The following ACER2 variants were observed in gnomAD, a reference collection of about 807,000 sequenced individuals.
The protein encoded by ACER2 is alkaline ceramidase 2.
Under a neutral mutation model 34.7 loss-of-function variants are expected in ACER2, and 26 were observed. That is an observed-to-expected ratio of 0.75 (90% confidence interval 0.55 to 1.04). The LOEUF (loss-of-function observed/expected upper bound fraction) is 1.04, where lower values mean the gene tolerates loss of function less well. ACER2 is among the 50% of genes least tolerant of loss of function. ACER2 has a pLI of 0.00. For missense variants in ACER2, 352 were observed against 340.8 expected (o/e 1.03, Z -0.26); for synonymous variants, 138 against 132.1 (o/e 1.04, Z -0.31).
intron 4 of ACER2, among the ~76,000 whole-genome samples, chr9:19,440,515 A>T (rs1266494404): frequency 6.6e-6 from 1 of 152,182 alleles, no homozygotes; most frequent in Non-Finnish European, 1.5e-5. Flanking sequence ...CTACCATGTG[A>T]GGACACAGCT....
chr9:19,410,978 A>G (rs556737759), intron 1 of ACER2, among the ~76,000 whole-genome samples: 1 of 152,198 alleles, frequency 6.6e-6, no homozygotes, highest in African/African-American at 2.4e-5. Context: ...ACACTTAGCA[A>G]GATTATTCTC....
chr9:19,445,432 C>T (rs1251917894), intron 4 of ACER2, among the ~76,000 whole-genome samples: 1 of 152,160 alleles, frequency 6.6e-6, no homozygotes, highest in Non-Finnish European at 1.5e-5. Flanking sequence ...CAGAGGGTGT[C>T]AGGGAGGTTA....
chr9:19,421,718 G>A (rs1482772734), intron 1 of ACER2, among the ~76,000 whole-genome samples: 2 of 151,912 alleles, frequency 1.3e-5, no homozygotes, highest in Admixed American at 6.6e-5. Context: ...CCACTGAATT[G>A]TACACTTTAA....
At chr9:19,415,730 A>G (rs1830222743) in intron 1 of ACER2, among the ~76,000 whole-genome samples, 1 of 152,152 alleles carries the variant, frequency 6.6e-6, no homozygotes. Flanking sequence ...GAAGCAAGGT[A>G]GATTGAGAGG....
Position 19,424,765 on chromosome 9 carries a change from G to T in ACER2, c.289G>T (p.Val97Phe). ...GGGTCAGATGCTTGATGAACTTGCAGTCCTTTGGGTTCTGATGTGTGCTTT... is the reference window on the plus strand; with the variant it reads ...GGGTCAGATGCTTGATGAACTTGCATTCCTTTGGGTTCTGATGTGTGCTTT... The part of the protein sequence containing the change: ...FLGQMLDELA[V>F]LWVLMCALAM... The change falls in exon 3 of 6, where the codon GTC (valine) becomes TTC (phenylalanine). Residue 97 changes from valine (V) to phenylalanine (F), a missense_variant. Coordinates refer to ENST00000340967, the MANE Select transcript of ACER2 (RefSeq NM_001010887.3). The T allele has an allele frequency of 6.2e-7, 1 of 1,614,098 alleles. No homozygotes were observed. Among genetic ancestry groups the T allele is most frequent in the East Asian group, 2.2e-5 (1 of 44,878 alleles).
At chr9:19,442,863 C>T (rs1489594203) in intron 4 of ACER2, among the ~76,000 whole-genome samples, 11 of 149,298 alleles carry the variant, frequency 7.4e-5, no homozygotes, top group South Asian at 2.1e-4. Context: ...GATGGGGTCT[C>T]GCTCTGTCGC....
At chr9:19,419,311 T>C (rs1830332029) in intron 1 of ACER2, among the ~76,000 whole-genome samples, 1 of 152,252 alleles carries the variant, frequency 6.6e-6, no homozygotes, top group South Asian at 2.1e-4. Context: ...TCTTTTTCTT[T>C]TTTTCTTTTC....
intron 3 of ACER2, among the ~76,000 whole-genome samples, chr9:19,428,680 T>C (rs182510109): frequency 1.7e-4 from 26 of 150,072 alleles, no homozygotes; most frequent in Non-Finnish European, 3.5e-4. Flanking sequence ...CAGAAATACA[T>C]GGGAAAATTA....
intron 1 of ACER2, chr9:19,409,726 T>G: frequency 9.1e-6 from 9 of 984,896 alleles, no homozygotes; most frequent in Non-Finnish European, 1.1e-5. Flanking sequence ...GAGTTATTTT[T>G]GGTCAGAATC....
intron 5 of ACER2, among the ~76,000 whole-genome samples, chr9:19,448,290 A>G (rs544092996): frequency 6.6e-6 from 1 of 152,308 alleles, no homozygotes; most frequent in African/African-American, 2.4e-5. Flanking sequence ...CTGGGATTAC[A>G]GGCATGAGCC....
intron 4 of ACER2, among the ~76,000 whole-genome samples, chr9:19,441,481 C>G (rs1831156631): frequency 6.6e-6 from 1 of 152,208 alleles, no homozygotes; most frequent in South Asian, 2.1e-4. Context: ...CTCAGCCACT[C>G]TGACCTTCTG....
At chr9:19,421,308 TG>T (rs928964210) in intron 1 of ACER2, among the ~76,000 whole-genome samples, 1 of 152,182 alleles carries the variant, frequency 6.6e-6, no homozygotes, top group Non-Finnish European at 1.5e-5. Flanking sequence ...ATTTTGTGTG[TG>T]GGGGTGACAC....
chr9:19,409,747 C>G (rs1830031168), intron 1 of ACER2: 2 of 985,070 alleles, frequency 2.0e-6, no homozygotes, highest in African/African-American at 1.7e-5. Context: ...AAGTTAATTA[C>G]TACTTGTTTT....
intron 4 of ACER2, among the ~76,000 whole-genome samples, chr9:19,435,529 C>A (rs893002360): frequency 3.3e-5 from 5 of 152,194 alleles, no homozygotes; most frequent in African/African-American, 1.2e-4. Context: ...GTCTCATTTA[C>A]AATCTATTAG....
chr9:19,443,172 A>T (rs937534795), intron 4 of ACER2, among the ~76,000 whole-genome samples: 1 of 152,198 alleles, frequency 6.6e-6, no homozygotes, highest in African/African-American at 2.4e-5. Flanking sequence ...CTGGGACTTC[A>T]GGTGCCTGCC....
At chr9:19,438,476 C>T (rs1424462315) in intron 4 of ACER2, among the ~76,000 whole-genome samples, 2 of 152,226 alleles carry the variant, frequency 1.3e-5, no homozygotes, top group Non-Finnish European at 2.9e-5. Context: ...CCTGGAGGGA[C>T]TGGCTCCTGG....
chr9:19,414,263 A>G (rs920608867), intron 1 of ACER2, among the ~76,000 whole-genome samples: 12 of 152,232 alleles, frequency 7.9e-5, no homozygotes, highest in African/African-American at 2.9e-4. Context: ...CACACAATTA[A>G]GATGGACAGA....
At position 19,452,011 on chromosome 9, in the gene ACER2, C is replaced by G. The variant is rs1831586360; in HGVS notation, c.*1375C>G. On this transcript the variant is annotated 3_prime_UTR_variant, in exon 6 of 6. Transcript: ENST00000340967. ...GGTTTGGGTCGCTGGTGCAGCAGCG[C>G]AAATCTGTTGCCTTCTGAATTTTTC... 1.3e-5 allele frequency: 2 copies of G among 152,618 alleles called. No homozygotes were observed. Among genetic ancestry groups the G allele is most frequent in the Admixed American group, 6.5e-5 (1 of 15,274 alleles). 9.5% of individuals were successfully genotyped at this position (152,618 alleles called of 1,614,324 possible).
intron 1 of ACER2, among the ~76,000 whole-genome samples, chr9:19,411,850 C>T (rs982660874): frequency 3.3e-5 from 5 of 152,140 alleles, no homozygotes; most frequent in Non-Finnish European, 5.9e-5. Flanking sequence ...CTACTGTCTA[C>T]CATTACTTAA....
Sources: allele counts gnomAD v4.1 joint callset (sites outside exome capture counted in the v4.1 genomes callset), GRCh38; gene constraint gnomAD v4.1.1; transcripts MANE v1.5; gene names NCBI Gene and HGNC (gene_info 2026-07-23, HGNC 2026-07-21).